The following CIT variants were observed in gnomAD, a reference collection of about 807,000 sequenced individuals.
CIT encodes the protein citron Rho-interacting kinase.
A neutral mutation model predicts 272.7 loss-of-function variants in CIT; 79 were observed. The observed-to-expected ratio is 0.29, with a 90% CI of 0.24 to 0.35. The LOEUF is 0.35. CIT is among the 10% of genes least tolerant of loss of function. CIT has a pLI of 1.00. For synonymous variants in CIT, 948 were observed against 995.6 expected, an observed-to-expected ratio of 0.95 and a Z score of 0.90; for missense variants, 1,909 against 2,618.3, an observed-to-expected ratio of 0.73 and a Z score of 5.91.
chr12:119,720,622 A>T, intron 29 of CIT, 37 bp from the exon 30 acceptor site: 1 of 1,419,842 alleles, frequency 7.0e-7, no homozygotes, highest in Non-Finnish European at 9.7e-7. Context: ...TCAAATCCAG[A>T]CAGAAGTATA....
intron 10 of CIT, among the ~76,000 whole-genome samples, chr12:119,791,135 A>G (rs1965275607): frequency 6.6e-6 from 1 of 152,202 alleles, no homozygotes; most frequent in African/African-American, 2.4e-5. Context: ...CCCAGTTCAA[A>G]GCTGAGGCTC....
chr12:119,775,289 T>A (rs576082134), intron 16 of CIT, among the ~76,000 whole-genome samples: 50 of 152,196 alleles, frequency 3.3e-4, no homozygotes, highest in Admixed American at 2.9e-3. Flanking sequence ...AAATTTTTTT[T>A]AATTAAATAA....
At chr12:119,817,025 A>G (rs548093467) in intron 9 of CIT, among the ~76,000 whole-genome samples, 2 of 152,342 alleles carry the variant, frequency 1.3e-5, no homozygotes, top group South Asian at 4.1e-4. Context: ...TAAACAGAAA[A>G]CAGGACACAT....
chr12:119,706,131 C>T (rs1366507234), intron 40 of CIT, among the ~76,000 whole-genome samples: 1 of 150,088 alleles, frequency 6.7e-6, no homozygotes, highest in Non-Finnish European at 1.5e-5. Flanking sequence ...GCTGAATGAA[C>T]AAATGTGCAG....
At chr12:119,791,667 C>A (rs1382690234) in intron 10 of CIT, among the ~76,000 whole-genome samples, 1 of 152,228 alleles carries the variant, frequency 6.6e-6, no homozygotes, top group Non-Finnish European at 1.5e-5. Context: ...GTGCACGCAG[C>A]CACCCGCCCA....
At chr12:119,787,024 C>T (rs1046980785) in intron 10 of CIT, among the ~76,000 whole-genome samples, 9 of 152,004 alleles carry the variant, frequency 5.9e-5, no homozygotes, top group Admixed American at 2.6e-4. Flanking sequence ...GGCTGGAGTG[C>T]GGTGGTCCCA....
At position 119,862,810 on chromosome 12, in the gene CIT, A is replaced by AAAAAAG. The variant is rs1359443341; in HGVS notation, c.239-5113_239-5112insCTTTTT. ...GGGTGACAGAGCAAGACTCTACCTA[A>AAAAAAG]AAAAAAAAAAAAAAAAAAAAAAAAA... is the stretch of plus-strand genomic sequence containing the variant. On this transcript the variant is annotated intron_variant, in intron 3 of 47. Coordinates refer to ENST00000392521, the MANE Select transcript of CIT (RefSeq NM_001206999.2). 1.1e-4 allele frequency among the ~76,000 whole-genome samples: 11 copies of AAAAAAG among 96,284 alleles called. 2 individuals are homozygous for AAAAAAG. Among genetic ancestry groups the AAAAAAG allele is most frequent in the African/African-American group, 6.9e-4 (11 of 15,922 alleles). The allele number at this position is 96,284 out of a possible 152,430, so 63.2% of individuals were successfully genotyped here.
chr12:119,735,307 A>G lies in CIT; in HGVS notation c.3009T>C (p.Ala1003=), dbSNP rs149750500. The G allele has an allele frequency of 1.4e-5, 23 of 1,614,206 alleles. No individual in the cohort carries two copies. Among genetic ancestry groups the G allele is most frequent in the Middle Eastern group, 1.6e-4 (1 of 6,062 alleles). Residue 1003 remains alanine, a synonymous_variant, in exon 25 of 48, where the codon GCT becomes GCC. Coordinates refer to ENST00000392521, the MANE Select transcript of CIT (RefSeq NM_001206999.2). ...AGTAGAAGTTTTGGTTGTTGAGTTC[A>G]GCGTTGTCCTCGGTCAGCTGGTTTA... ...EQLNQLTEDN[A]ELNNQNFYLS...
Position 119,706,726 on chromosome 12 carries a change from A to T in CIT, c.5211+1453T>A, listed in dbSNP as rs1405534099. Among the ~76,000 whole-genome samples the T allele has an allele frequency of 2.0e-5, 3 of 152,208 alleles. No homozygotes were observed. The East Asian group carries it at 5.8e-4, about 29-fold the overall frequency. ...AGGTGGATTCCATGTCTTTGCTATT[A>T]TGAGTAGGCTGCAATGAACATACAC... On this transcript the variant is annotated intron_variant, in intron 40 of 47. Transcript: ENST00000392521.
Position 119,832,842 on chromosome 12 carries a change from G to A in CIT, c.682C>T (p.Leu228Phe), listed in dbSNP as rs780986528. The change falls in exon 7 of 48, where the codon CTC becomes TTC. Residue 228 changes from leucine (L) to phenylalanine (F), a missense_variant. By Grantham distance (22) the Leu-to-Phe change is conservative. Coordinates refer to ENST00000392521, the MANE Select transcript of CIT (RefSeq NM_001206999.2). Reference protein sequence around the residue: ...VHRDIKPENILVDRTGHIKLV... With the variant: ...VHRDIKPENIFVDRTGHIKLV... ...TTGATGTGTCCTGTGCGGTCAACGA[G>A]AATGTTCTCAGGCTTGATGTCTCTG... is the stretch of plus-strand genomic sequence containing the variant. 19 of 1,613,940 alleles carry A rather than the reference G, an allele frequency of 1.2e-5. No individual in the cohort carries two copies. The South Asian group carries it at 2.0e-4, about 17-fold the overall frequency.
At chr12:119,754,439 C>T (rs1161942667) in intron 22 of CIT, among the ~76,000 whole-genome samples, 6 of 152,212 alleles carry the variant, frequency 3.9e-5, no homozygotes, top group Admixed American at 6.5e-5. Flanking sequence ...ACTAGCAAGC[C>T]TGAAAATGCT....
chr12:119,717,832 T>A (rs1340137918), intron 32 of CIT, among the ~76,000 whole-genome samples: 1 of 129,238 alleles, frequency 7.7e-6, no homozygotes, highest in African/African-American at 3.1e-5. Flanking sequence ...GGAGACTGAC[T>A]TCTTTCTTTT....
At chr12:119,696,091 A>G (rs1450854040) in intron 46 of CIT, among the ~76,000 whole-genome samples, 1 of 152,198 alleles carries the variant, frequency 6.6e-6, no homozygotes, top group Non-Finnish European at 1.5e-5. Flanking sequence ...AAAAACTTCA[A>G]AAAATTGGTT....
At chr12:119,834,584 C>A (rs1968867595) in intron 5 of CIT, among the ~76,000 whole-genome samples, 1 of 152,208 alleles carries the variant, frequency 6.6e-6, no homozygotes, top group Non-Finnish European at 1.5e-5. Flanking sequence ...AGGGCAACCA[C>A]TCTTATATCC....
rs1964646077 is a variant in CIT, at chr12:119,784,955, A to T, written c.1401+5T>A. 2 of 1,614,140 alleles carry T rather than the reference A, an allele frequency of 1.2e-6. No homozygotes were observed. The highest frequency in any genetic ancestry group is 4.5e-5 in the East Asian group (2 of 44,878). On this transcript the variant is annotated splice_donor_5th_base_variant and intron_variant, in intron 11 of 47. Coordinates refer to ENST00000392521, the MANE Select transcript of CIT (RefSeq NM_001206999.2). The surrounding 1 kb of genome is among the most constrained non-coding windows in gnomAD (Gnocchi z 4.7). ...AGGAAGGAGGCCGGCTGCGGAAATA[A>T]ATACCTTGTGACACTTGTCCTGAGA...
chr12:119,700,890 T>C (rs1593390470), intron 43 of CIT, 65 bp from the exon 44 acceptor site: 5 of 1,305,178 alleles, frequency 3.8e-6, no homozygotes, highest in African/African-American at 2.9e-5. Flanking sequence ...GCGACACACA[T>C]GGTGATGGAA....
intron 3 of CIT, among the ~76,000 whole-genome samples, chr12:119,859,818 A>T (rs1048156941): frequency 6.6e-6 from 1 of 152,040 alleles, no homozygotes; most frequent in African/African-American, 2.4e-5. Flanking sequence ...CGTCTCAAAA[A>T]AAAAAAAGAA....
intron 32 of CIT, among the ~76,000 whole-genome samples, chr12:119,715,452 T>G (rs749447680): frequency 6.6e-6 from 1 of 152,174 alleles, no homozygotes; most frequent in Non-Finnish European, 1.5e-5. Flanking sequence ...GCAGTATGAT[T>G]CATCTTTATG....
chr12:119,762,081 G>C (rs1191915338), intron 19 of CIT, among the ~76,000 whole-genome samples: 1 of 152,204 alleles, frequency 6.6e-6, no homozygotes, highest in Non-Finnish European at 1.5e-5. Context: ...GGGTCACAGA[G>C]AGGGCTAAAA....
Sources: allele counts gnomAD v4.1 joint callset (sites outside exome capture counted in the v4.1 genomes callset), GRCh38; gene constraint gnomAD v4.1.1; non-coding constraint Gnocchi (gnomAD v3.1); transcripts MANE v1.5; gene names NCBI Gene and HGNC (gene_info 2026-07-23, HGNC 2026-07-21).